ST6GAL2: variants seen among roughly 807,000 people sequenced by gnomAD.
ST6GAL2 encodes the protein ST6 beta-galactoside alpha-2,6-sialyltransferase 2, also known as beta-galactoside alpha-2,6-sialyltransferase 2.
ST6GAL2 carries 24 observed loss-of-function variants against 37.5 expected under a neutral mutation model. The observed-to-expected ratio is 0.64, with a 90% CI of 0.46 to 0.90. ST6GAL2 has a LOEUF of 0.90. Among genes scored for constraint, ST6GAL2 ranks in the 40% least tolerant of loss-of-function variants. The pLI is 0.00. For synonymous variants in ST6GAL2, 306 were observed against 295.1 expected, an observed-to-expected ratio of 1.04 and a Z score of -0.38; for missense variants, 715 against 712.7, an observed-to-expected ratio of 1.00 and a Z score of -0.04.
intron 5 of ST6GAL2, among the ~76,000 whole-genome samples, chr2:106,822,711 C>T (rs1403528421): frequency 6.6e-6 from 1 of 152,028 alleles, no homozygotes; most frequent in South Asian, 2.1e-4. Flanking sequence ...CCAAAACTAT[C>T]CTGAGTGAAA....
In ST6GAL2 at chr2:106,843,575, C is replaced by T; in HGVS notation, c.403G>A (p.Ala135Thr). ...TGGCTGTGCCACCCTGGCTGACCAG[C>T]AGCAAAAAAGTAGTCGTCATCCTCC... The part of the protein sequence containing the change: ...YPEDDDYFFA[A>T]GQPGWHSHTQ... Residue 135 changes from alanine (A) to threonine (T), a missense_variant, in exon 2 of 6, where the codon GCT becomes ACT. Ala to Thr is a moderately conservative substitution (Grantham distance 58). This residue lies in a region of ST6GAL2 where 512 missense variants were observed against 488.8 expected (regional missense o/e 1.05). Transcript: ENST00000409382. 1 of 1,613,828 alleles carries T rather than the reference C, an allele frequency of 6.2e-7. No individual in the cohort carries two copies. Among genetic ancestry groups the T allele is most frequent in the Non-Finnish European group, 8.5e-7 (1 of 1,179,926 alleles).
rs989251015 is a variant in ST6GAL2 at position 106,846,536 on chromosome 2, AAAG to A, written c.-57-2505_-57-2503del. 6.6e-5 allele frequency among the ~76,000 whole-genome samples: 10 copies of A among 152,314 alleles called. No individual in the cohort carries two copies. The East Asian group carries it at 1.2e-3, about 18-fold the overall frequency. On this transcript the variant is annotated intron_variant, in intron 1 of 5. Transcript: ENST00000409382. ...TAATTAAAAAGAAAAATTAAGCCAA[AAAG>A]AAGAAGTCCTAAAAATGCTTCCAAC...
Position 106,848,946 on chromosome 2 carries a change from A to C in ST6GAL2, c.-57-4912T>G, listed in dbSNP as rs73949789. Among the ~76,000 whole-genome samples, 310 of 152,310 alleles carry C rather than the reference A, an allele frequency of 2.0e-3. 1 individual carries two copies. The highest frequency in any genetic ancestry group is 7.2e-3 in the African/African-American group (300 of 41,572). ...TGGAATAATAAAGTATTCTTGCTTAAAATGGAACAATCTGTAACCAATCAA... is the reference window on the plus strand; with the variant it reads ...TGGAATAATAAAGTATTCTTGCTTACAATGGAACAATCTGTAACCAATCAA... On this transcript the variant is annotated intron_variant, in intron 1 of 5. Coordinates refer to ENST00000409382, the MANE Select transcript of ST6GAL2 (RefSeq NM_001142351.2).
At chr2:106,861,545 G>C (rs1243287117) in intron 1 of ST6GAL2, among the ~76,000 whole-genome samples, 1 of 152,056 alleles carries the variant, frequency 6.6e-6, no homozygotes, top group Non-Finnish European at 1.5e-5. Context: ...GAAATAACTG[G>C]TGAAGTCTTC....
chr2:106,874,177 A>G (rs985094015), intron 1 of ST6GAL2, among the ~76,000 whole-genome samples: 1 of 152,220 alleles, frequency 6.6e-6, no homozygotes, highest in Non-Finnish European at 1.5e-5. Context: ...AAAGTCAATT[A>G]TAACAGAGTA....
intron 1 of ST6GAL2, among the ~76,000 whole-genome samples, chr2:106,877,495 AG>A (rs1216325796): frequency 1.3e-5 from 2 of 152,246 alleles, no homozygotes; most frequent in African/African-American, 4.8e-5. Context: ...GGTAAAATTT[AG>A]TATCTACCTC....
intron 1 of ST6GAL2, among the ~76,000 whole-genome samples, chr2:106,870,639 T>G (rs1291561463): frequency 1.3e-5 from 2 of 152,142 alleles, no homozygotes; most frequent in Non-Finnish European, 2.9e-5. Flanking sequence ...ATCCAATGAT[T>G]ATGGGTTTCC....
At chr2:106,829,211 G>A (rs181098142) in intron 5 of ST6GAL2, among the ~76,000 whole-genome samples, 2 of 152,188 alleles carry the variant, frequency 1.3e-5, no homozygotes, top group Admixed American at 1.3e-4. Context: ...AGAGGCGGGG[G>A]TCTATGTTTT....
At chr2:106,874,275 T>A (rs1156422826) in intron 1 of ST6GAL2, among the ~76,000 whole-genome samples, 1 of 152,070 alleles carries the variant, frequency 6.6e-6, no homozygotes, top group Non-Finnish European at 1.5e-5. Flanking sequence ...AAAGGCTTGC[T>A]GGTAAGTTAA....
At chr2:106,868,011 AC>A (rs1455803896) in intron 1 of ST6GAL2, among the ~76,000 whole-genome samples, 17 of 152,182 alleles carry the variant, frequency 1.1e-4, no homozygotes, top group African/African-American at 4.1e-4. Flanking sequence ...AACAAACAAA[AC>A]CCTATGCCAC....
At chr2:106,836,680 C>T (rs1362178459) in intron 2 of ST6GAL2, among the ~76,000 whole-genome samples, 1 of 147,376 alleles carries the variant, frequency 6.8e-6, no homozygotes, top group Non-Finnish European at 1.5e-5. Context: ...GTAATCCCAA[C>T]ACTTTGGGAG....
rs1271953276 is a variant in ST6GAL2 at position 106,830,260 on chromosome 2, T to C, written c.1144-20A>G. 6.3e-7 allele frequency: 1 copy of C among 1,598,894 alleles called. No homozygotes were observed. Among genetic ancestry groups the C allele is most frequent in the South Asian group, 1.1e-5 (1 of 90,384 alleles). ...GTACCACTAAGGAAAAAAAAATCAA[T>C]GCAGTCAAGTAGAAAGAACTAAACT... On this transcript the variant is annotated intron_variant, in intron 4 of 5. Transcript: ENST00000409382.
At chr2:106,860,495 G>T (rs1458319082) in intron 1 of ST6GAL2, among the ~76,000 whole-genome samples, 1 of 152,120 alleles carries the variant, frequency 6.6e-6, no homozygotes, top group Non-Finnish European at 1.5e-5. Flanking sequence ...TAGGTACTTG[G>T]GGATGGAGTA....
At chr2:106,869,450 A>C (rs528023407) in intron 1 of ST6GAL2, among the ~76,000 whole-genome samples, 11 of 152,102 alleles carry the variant, frequency 7.2e-5, no homozygotes, top group Non-Finnish European at 1.2e-4. Flanking sequence ...ACCGCCCTTT[A>C]AACTCAGGGA....
At chr2:106,886,202 C>A (rs1678984545), upstream of ST6GAL2, 2 of 152,298 alleles carry the variant, frequency 1.3e-5, no homozygotes, top group Non-Finnish European at 2.9e-5. Flanking sequence ...TTTTATTCCC[C>A]GGCAGCCGCT....
chr2:106,868,546 A>T (rs2104607606), intron 1 of ST6GAL2, among the ~76,000 whole-genome samples: 1 of 152,362 alleles, frequency 6.6e-6, no homozygotes, highest in East Asian at 1.9e-4. Context: ...TCTGTGTACA[A>T]GTCCCAAAGC....
At chr2:106,816,402 A>G (rs183937060) in intron 5 of ST6GAL2, among the ~76,000 whole-genome samples, 64 of 152,354 alleles carry the variant, frequency 4.2e-4, no homozygotes, top group Non-Finnish European at 1.3e-4. Context: ...TTGCAAAGTT[A>G]TGGTTTAAGT....
chr2:106,834,642 T>C (rs1676558690), intron 2 of ST6GAL2: 1 of 153,066 alleles, frequency 6.5e-6, no homozygotes. Flanking sequence ...ATTCTGCATG[T>C]AATGTTGAAG....
intron 5 of ST6GAL2, among the ~76,000 whole-genome samples, chr2:106,817,248 G>A (rs1213886408): frequency 6.6e-6 from 1 of 152,202 alleles, no homozygotes; most frequent in East Asian, 1.9e-4. Context: ...GCAGCCAAGG[G>A]AGTGCTTGCA....
Sources: allele counts gnomAD v4.1 joint callset (sites outside exome capture counted in the v4.1 genomes callset), GRCh38; gene constraint gnomAD v4.1.1; regional missense constraint gnomAD v4.1.1; transcripts MANE v1.5; gene names NCBI Gene and HGNC (gene_info 2026-07-23, HGNC 2026-07-21).